KAZN: variants seen among roughly 807,000 people sequenced by gnomAD.
KAZN encodes kazrin.
In KAZN, 40 loss-of-function variants were observed where a neutral mutation model predicts 87.4. That is an observed-to-expected ratio of 0.46 (90% CI 0.36 to 0.60). KAZN has a LOEUF of 0.60. Ranked by LOEUF, KAZN falls within the 20% of genes least tolerant of loss-of-function variation. The pLI, the probability that KAZN is intolerant of heterozygous loss-of-function variation, is 0.00. For synonymous variants in KAZN, 466 were observed against 458.3 expected (o/e 1.02, Z -0.22); for missense variants, 898 against 1,073.9 (o/e 0.84, Z 2.29).
intron 2 of KAZN, among the ~76,000 whole-genome samples, chr1:14,972,587 C>G (rs140966790): frequency 0.048 from 7,301 of 151,714 alleles, 586 homozygotes; most frequent in African/African-American, 0.17. Context: ...ACAATCTCAG[C>G]TCACTGCAAC....
chr1:14,901,022 C>T (rs1008516101), intron 1 of KAZN, among the ~76,000 whole-genome samples: 5 of 152,168 alleles, frequency 3.3e-5, no homozygotes, highest in African/African-American at 9.7e-5. Flanking sequence ...CATCATACAG[C>T]GGTAACAGGA....
chr1:14,863,207 A>C (rs892699792), intron 1 of KAZN, among the ~76,000 whole-genome samples: 2 of 152,180 alleles, frequency 1.3e-5, no homozygotes, highest in Admixed American at 1.3e-4. Context: ...GTTTGCCATC[A>C]ATGTGGGATC....
rs1680396778 is a variant in KAZN at position 14,641,410 on chromosome 1, G to A, written c.226+42187G>A. The stretch of plus-strand genomic sequence containing the variant: ...TAACAGTAGTCTAAGTAAAATGGAA[G>A]TTTCTTATTCTTCCCCTAAAAGCCA... On this transcript the variant is annotated intron_variant, in intron 1 of 14. Coordinates refer to ENST00000376030, the MANE Select transcript of KAZN (RefSeq NM_201628.3). Among the ~76,000 whole-genome samples, 3 of 152,162 alleles carry A rather than the reference G, an allele frequency of 2.0e-5. 1 individual carries two copies. In the South Asian group the frequency reaches 6.2e-4, roughly 32 times the overall value.
chr1:14,961,959 G>T (rs1663920813), intron 2 of KAZN, among the ~76,000 whole-genome samples: 1 of 152,214 alleles, frequency 6.6e-6, no homozygotes. Context: ...AGAATGGAGG[G>T]CCAGAGATTT....
intron 1 of KAZN, among the ~76,000 whole-genome samples, chr1:13,904,892 C>T (rs1279158007): frequency 1.3e-5 from 2 of 152,140 alleles, no homozygotes; most frequent in African/African-American, 4.8e-5. Flanking sequence ...TCCTTTGTGA[C>T]TTGTGTTAGA....
intron 1 of KAZN, among the ~76,000 whole-genome samples, chr1:14,938,900 C>G (rs1457843269): frequency 3.9e-5 from 6 of 152,182 alleles, no homozygotes; most frequent in African/African-American, 7.2e-5. Flanking sequence ...TATCAATAAA[C>G]CATCTTAGAT....
At chr1:15,007,012 G>A (rs1204122093) in intron 2 of KAZN, among the ~76,000 whole-genome samples, 9 of 142,062 alleles carry the variant, frequency 6.3e-5, no homozygotes, top group African/African-American at 1.1e-4. Context: ...AGCTGAGATC[G>A]CGCCACTGCA....
In KAZN at chr1:15,056,258, C is replaced by A; in HGVS notation, c.894C>A (p.Pro298=). ...AACAGACTCTCTACCACTCACACCCCCCTCACCCTGCGGACCGGCAAGGTG... is the reference window on the plus strand; with the variant it reads ...AACAGACTCTCTACCACTCACACCCACCTCACCCTGCGGACCGGCAAGGTG... ...QSQQTLYHSH[P]PHPADRQAVR... The change falls in exon 5 of 15, where the codon CCC becomes CCA. Residue 298 remains proline, a synonymous_variant. Coordinates refer to ENST00000376030, the MANE Select transcript of KAZN (RefSeq NM_201628.3). The surrounding 1 kb of genome is among the most constrained non-coding windows in gnomAD (Gnocchi z 5.4). 1.2e-6 allele frequency: 2 copies of A among 1,608,990 alleles called. No homozygotes were observed. The highest frequency in any genetic ancestry group is 1.7e-6 in the Non-Finnish European group (2 of 1,175,912).
chr1:13,999,346 TAAAAAACAAAAAAC>T (rs112870915), intron 1 of KAZN, among the ~76,000 whole-genome samples: 41 of 149,492 alleles, frequency 2.7e-4, no homozygotes, highest in South Asian at 8.6e-4. Context: ...AGACTCCATC[TAAAAAACAAAAAAC>T]AAAAAACAAA....
At chr1:14,419,937 A>T (rs1665262306) in intron 2 of KAZN, among the ~76,000 whole-genome samples, 1 of 151,992 alleles carries the variant, frequency 6.6e-6, no homozygotes, top group African/African-American at 2.4e-5. Flanking sequence ...AAAGAACAAA[A>T]CTTCCACAAG....
At chr1:14,656,575 TCA>T (rs1268377129) in intron 1 of KAZN, among the ~76,000 whole-genome samples, 1 of 152,192 alleles carries the variant, frequency 6.6e-6, no homozygotes, top group African/African-American at 2.4e-5. Context: ...TTTAATTGAC[TCA>T]CAGTTCTGCA....
intron 8 of KAZN, 112 bp downstream of exon 8, chr1:15,065,865 TG>T: frequency 6.5e-7 from 1 of 1,538,180 alleles, no homozygotes; most frequent in East Asian, 2.3e-5. Flanking sequence ...CAAGCGAGCG[TG>T]GGTGCGCGTG....
rs561555998 is a variant in KAZN at position 14,783,112 on chromosome 1, C to T, written c.227-177572C>T. ...GTGCTCAGCCCTGAAGTGCTCAGTG[C>T]AGCCTCAGCTTAGATTGGCTGTAAC... On this transcript the variant is annotated intron_variant, in intron 1 of 14. Coordinates refer to ENST00000376030, the MANE Select transcript of KAZN (RefSeq NM_201628.3). Among the ~76,000 whole-genome samples, 7 of 152,266 alleles carry T rather than the reference C, an allele frequency of 4.6e-5. No homozygotes were observed. The East Asian group carries it at 1.4e-3, about 29-fold the overall frequency.
At chr1:14,510,378 C>CAAAAA (rs70997152) in intron 2 of KAZN, among the ~76,000 whole-genome samples, 1 of 144,548 alleles carries the variant, frequency 6.9e-6, no homozygotes, top group African/African-American at 2.6e-5. Flanking sequence ...AACTCCATCT[C>CAAAAA]AAAAAAAAAA....
intron 2 of KAZN, among the ~76,000 whole-genome samples, chr1:14,218,242 C>T (rs61771840): frequency 2.0e-5 from 3 of 152,040 alleles, no homozygotes; most frequent in Admixed American, 2.0e-4. Flanking sequence ...ATATAAATGC[C>T]AGGTAGAAAA....
intron 3 of KAZN, among the ~76,000 whole-genome samples, chr1:15,035,645 C>A (rs980109166): frequency 6.6e-6 from 1 of 152,068 alleles, no homozygotes; most frequent in Admixed American, 6.5e-5. Context: ...GACAAGAATT[C>A]GAGACCAGCC....
chr1:14,523,601 C>T (rs1337536275), intron 2 of KAZN, among the ~76,000 whole-genome samples: 1 of 152,230 alleles, frequency 6.6e-6, no homozygotes, highest in Admixed American at 6.5e-5. Context: ...CTAGTGAATC[C>T]CAGCACTTCC....
chr1:14,142,305 C>T lies in KAZN; in HGVS notation c.92-38130C>T, dbSNP rs369183944. Among the ~76,000 whole-genome samples, 4 of 152,176 alleles carry T rather than the reference C, an allele frequency of 2.6e-5. No homozygotes were observed. The East Asian group carries it at 5.8e-4, about 22-fold the overall frequency. On this transcript the variant is annotated intron_variant, in intron 1 of 16. Transcript: ENST00000636203. ...CTCCTGGTGCATGCACAATTAGAAG[C>T]GTTTAAAATTCCAATAAAATACACA... is the stretch of plus-strand genomic sequence containing the variant.
In KAZN at chr1:14,903,025, C is replaced by T. The variant is rs139410861; in HGVS notation, c.227-57659C>T. 4.1e-3 allele frequency among the ~76,000 whole-genome samples: 620 copies of T among 152,074 alleles called. 4 individuals are homozygous for T. Among genetic ancestry groups the T allele is most frequent in the African/African-American group, 0.014 (585 of 41,466 alleles). On this transcript the variant is annotated intron_variant, in intron 1 of 14. Coordinates refer to ENST00000376030, the MANE Select transcript of KAZN (RefSeq NM_201628.3). ...CTGGAATTACAGGCACCTGCCACCA[C>T]GCCCAGCTAATTTTTGTATTTTTAG...
Sources: gnomAD v4.1 joint callset for allele counts (sites outside exome capture counted in the v4.1 genomes callset) on GRCh38, gnomAD v4.1.1 for gene constraint, Gnocchi (gnomAD v3.1) non-coding constraint, MANE v1.5 for transcripts, NCBI Gene and HGNC (gene_info 2026-07-23, HGNC 2026-07-21) for gene names.